Variants in PEAK1 observed in about 807,000 individuals in gnomAD.
PEAK1 encodes pseudopodium enriched atypical kinase 1, also known as inactive tyrosine-protein kinase PEAK1.
A neutral mutation model predicts 124.7 loss-of-function variants in PEAK1; 54 were observed. The observed-to-expected ratio is 0.43, with a 90% CI of 0.35 to 0.54. PEAK1 has a LOEUF of 0.54. Among genes scored for constraint, PEAK1 ranks in the 20% least tolerant of loss-of-function variants. The probability of loss-of-function intolerance (pLI) is 0.01; values close to 1 mark genes in which losing one functional copy is unlikely to be tolerated. For missense variants in PEAK1, 2,046 were observed against 2,134.5 expected (o/e 0.96, Z 0.82); for synonymous variants, 719 against 760.0 (o/e 0.95, Z 0.89).
At chr15:77,320,426 T>C (rs2065128637) in intron 2 of PEAK1, among the ~76,000 whole-genome samples, 1 of 152,168 alleles carries the variant, frequency 6.6e-6, no homozygotes, top group South Asian at 2.1e-4. Flanking sequence ...TATTAAAACA[T>C]TGAGTAATGA....
chr15:77,348,412 G>A (rs1409818911), intron 2 of PEAK1: 1 of 916,050 alleles, frequency 1.1e-6, no homozygotes, highest in African/African-American at 1.8e-5. Flanking sequence ...CAAGGGAAAT[G>A]TCTTTAAAAA....
Position 77,133,234 on chromosome 15 carries a change from C to G in PEAK1, c.3848G>C (p.Arg1283Pro), listed in dbSNP as rs759499979. 1 of 1,614,204 alleles carries G rather than the reference C, an allele frequency of 6.2e-7. No homozygotes were observed. The highest frequency in any genetic ancestry group is 8.5e-7 in the Non-Finnish European group (1 of 1,180,032). The change falls in exon 9 of 10, where the codon CGG (arginine) becomes CCG (proline). Residue 1283 changes from arginine (R) to proline (P), a missense_variant. By Grantham distance (103) the Arg-to-Pro change is moderately radical (BLOSUM62 -2). Coordinates refer to ENST00000682557, the MANE Select transcript of PEAK1 (RefSeq NM_001385026.1). The surrounding 1 kb of genome is among the most constrained non-coding windows in gnomAD (Gnocchi z 4.2). ...TCGGATTTTACCCACTACTTCCTCC[C>G]GATTCTCAAGTCCTCGATAAAGTGC... is the stretch of plus-strand genomic sequence containing the variant. The part of the protein sequence containing the change: ...RQALYRGLEN[R>P]EEVVGKIRSL...
chr15:77,132,905 A>G, intron 9 of PEAK1, 100 bp downstream of exon 9: 2 of 1,218,242 alleles, frequency 1.6e-6, no homozygotes, highest in Non-Finnish European at 2.3e-6. Flanking sequence ...AATTTGCTGA[A>G]TGGAAGAATG....
chr15:77,346,475 G>A, intron 2 of PEAK1: 1 of 985,372 alleles, frequency 1.0e-6, no homozygotes, highest in Non-Finnish European at 1.2e-6. Context: ...TGAAGCAGCT[G>A]TTAGAAGCCA....
At chr15:77,258,089 C>T (rs1256328591) in intron 5 of PEAK1, among the ~76,000 whole-genome samples, 2 of 152,140 alleles carry the variant, frequency 1.3e-5, no homozygotes, top group Admixed American at 6.6e-5. Flanking sequence ...TGATCTATAT[C>T]TCTATTTTGG....
chr15:77,325,010 G>A (rs543745131), intron 2 of PEAK1, among the ~76,000 whole-genome samples: 1 of 152,282 alleles, frequency 6.6e-6, no homozygotes, highest in East Asian at 1.9e-4. Flanking sequence ...GTAATTTGAA[G>A]CAAACAGTGA....
intron 6 of PEAK1, among the ~76,000 whole-genome samples, chr15:77,197,288 T>C (rs962113504): frequency 6.6e-6 from 1 of 152,170 alleles, no homozygotes; most frequent in African/African-American, 2.4e-5. Flanking sequence ...ACAACAAAAT[T>C]TGTAGTTACC....
chr15:77,386,762 A>G (rs1446828355), intron 1 of PEAK1, among the ~76,000 whole-genome samples: 2 of 152,182 alleles, frequency 1.3e-5, no homozygotes, highest in Non-Finnish European at 2.9e-5. Context: ...CCATCACATC[A>G]GACCATGTGC....
At chr15:77,209,319 G>A (rs138464061) in intron 6 of PEAK1, among the ~76,000 whole-genome samples, 20 of 152,010 alleles carry the variant, frequency 1.3e-4, no homozygotes, top group African/African-American at 4.3e-4. Flanking sequence ...ATGAAGTCAA[G>A]ACACTGCATC....
At chr15:77,171,196 G>A (rs2056478019) in intron 7 of PEAK1, among the ~76,000 whole-genome samples, 1 of 152,132 alleles carries the variant, frequency 6.6e-6, no homozygotes, top group Admixed American at 6.6e-5. Context: ...TTTACAGCCT[G>A]TCTCAGCACT....
At chr15:77,288,006 C>A (rs1435087662) in intron 2 of PEAK1, among the ~76,000 whole-genome samples, 1 of 152,086 alleles carries the variant, frequency 6.6e-6, no homozygotes. Flanking sequence ...AAATCAGTAA[C>A]CTAACTCATC....
intron 6 of PEAK1, among the ~76,000 whole-genome samples, chr15:77,212,574 G>A (rs1397400816): frequency 1.3e-5 from 2 of 152,044 alleles, no homozygotes; most frequent in South Asian, 2.1e-4. Context: ...CAGACATACC[G>A]GAGACTCATA....
chr15:77,321,550 A>G (rs1222283184), intron 2 of PEAK1, among the ~76,000 whole-genome samples: 2 of 152,076 alleles, frequency 1.3e-5, no homozygotes, highest in Non-Finnish European at 2.9e-5. Context: ...TAGATTCTGG[A>G]TATTAGCCCT....
At chr15:77,136,856 G>A (rs1428501510) in intron 8 of PEAK1, among the ~76,000 whole-genome samples, 1 of 152,188 alleles carries the variant, frequency 6.6e-6, no homozygotes, top group African/African-American at 2.4e-5. Context: ...ATTTCTCCAG[G>A]GCATGTCAAC....
chr15:77,419,688 G>A, intron 1 of PEAK1: 2 of 984,788 alleles, frequency 2.0e-6, no homozygotes, highest in East Asian at 1.1e-4. Context: ...CTCGCGGCAG[G>A]TCCCAACTTT....
intron 3 of PEAK1, 42 bp from the exon 4 acceptor site, chr15:77,285,097 A>C (rs932082556): frequency 2.7e-5 from 4 of 148,798 alleles, no homozygotes; most frequent in Non-Finnish European, 6.0e-5. Flanking sequence ...AAAAAAAAAA[A>C]GTAAGTCAAT....
At chr15:77,392,654 C>T (rs2070567166) in intron 1 of PEAK1, among the ~76,000 whole-genome samples, 1 of 152,054 alleles carries the variant, frequency 6.6e-6, no homozygotes, top group Non-Finnish European at 1.5e-5. Context: ...GTTTTCTACC[C>T]TCATGGACGG....
chr15:77,172,594 G>A (rs1277261852), intron 7 of PEAK1, among the ~76,000 whole-genome samples: 1 of 152,012 alleles, frequency 6.6e-6, no homozygotes, highest in Non-Finnish European at 1.5e-5. Flanking sequence ...TGAAAGAGGG[G>A]GCTAGTTCAG....
chr15:77,207,768 G>A (rs1301846088), intron 6 of PEAK1, among the ~76,000 whole-genome samples: 1 of 152,134 alleles, frequency 6.6e-6, no homozygotes, highest in African/African-American at 2.4e-5. Flanking sequence ...TTACACAGTT[G>A]TCATTATACA....
Sources: allele counts gnomAD v4.1 joint callset (sites outside exome capture counted in the v4.1 genomes callset), GRCh38; gene constraint gnomAD v4.1.1; non-coding constraint Gnocchi (gnomAD v3.1); transcripts MANE v1.5; gene names NCBI Gene and HGNC (gene_info 2026-07-23, HGNC 2026-07-21).